UBE2Q2: variants seen among roughly 807,000 people sequenced by gnomAD.
UBE2Q2 encodes ubiquitin-conjugating enzyme E2 Q2.
In UBE2Q2, 54 loss-of-function variants were observed where a neutral mutation model predicts 59.9. The observed-to-expected ratio is 0.90, with a 90% CI of 0.72 to 1.13. The LOEUF is 1.13. UBE2Q2 is among the 50% of genes most tolerant of loss of function. The pLI is 0.00. For missense variants in UBE2Q2, 433 were observed against 441.9 expected (o/e 0.98, Z 0.18); for synonymous variants, 165 against 155.2 (o/e 1.06, Z -0.47).
At chr15:75,859,262 TAA>T (rs1273837702) in intron 2 of UBE2Q2, among the ~76,000 whole-genome samples, 1 of 151,858 alleles carries the variant, frequency 6.6e-6, no homozygotes, top group Non-Finnish European at 1.5e-5. Flanking sequence ...AAGAGCCTAC[TAA>T]ATATCAAGTG....
chr15:75,848,406 T>A (rs1192298486), intron 1 of UBE2Q2, among the ~76,000 whole-genome samples: 1 of 152,232 alleles, frequency 6.6e-6, no homozygotes, highest in Non-Finnish European at 1.5e-5. Flanking sequence ...CTGGGACAGA[T>A]TACCTTTCCA....
intron 3 of UBE2Q2, among the ~76,000 whole-genome samples, chr15:75,860,759 T>G (rs1424184632): frequency 6.6e-6 from 1 of 152,186 alleles, no homozygotes; most frequent in Admixed American, 6.5e-5. Context: ...TGGCAGGTTG[T>G]TCTTTGGGTT....
chr15:75,858,970 G>A, intron 2 of UBE2Q2, among the ~76,000 whole-genome samples: 1 of 151,950 alleles, frequency 6.6e-6, no homozygotes, highest in Admixed American at 6.6e-5. Context: ...TTTGTCCTTT[G>A]TAAACCTGCT....
intron 9 of UBE2Q2, among the ~76,000 whole-genome samples, chr15:75,889,393 G>A (rs335716): frequency 0.98 from 149,201 of 152,318 alleles, 73,146 homozygotes; most frequent in East Asian, 1. Context: ...TATTGTCACT[G>A]TAACAATTAT....
intron 4 of UBE2Q2, among the ~76,000 whole-genome samples, chr15:75,870,100 C>CA (rs1259378490): frequency 2.0e-5 from 3 of 152,106 alleles, no homozygotes; most frequent in African/African-American, 7.2e-5. Flanking sequence ...GACAGGGTCT[C>CA]ACTGTGGTGC....
intron 5 of UBE2Q2, among the ~76,000 whole-genome samples, chr15:75,875,897 CA>C (rs773183098): frequency 6.1e-4 from 87 of 143,606 alleles, no homozygotes; most frequent in Non-Finnish European, 6.3e-4. Context: ...CCGTCTCTAC[CA>C]AAAAAAAAAA....
At chr15:75,895,419 G>T (rs979913672) in intron 11 of UBE2Q2, 17 of 151,988 alleles carry the variant, frequency 1.1e-4, no homozygotes, top group African/African-American at 4.1e-4. Flanking sequence ...CCAGCCTCAG[G>T]TGATCTACCT....
chr15:75,866,917 G>A (rs569180549), intron 3 of UBE2Q2, among the ~76,000 whole-genome samples: 2 of 152,196 alleles, frequency 1.3e-5, no homozygotes, highest in Non-Finnish European at 2.9e-5. Flanking sequence ...TAATGCTTCA[G>A]ATCAATTGTG....
intron 1 of UBE2Q2, among the ~76,000 whole-genome samples, chr15:75,854,156 G>T (rs766620866): frequency 2.6e-5 from 4 of 152,182 alleles, no homozygotes; most frequent in Non-Finnish European, 5.9e-5. Context: ...CTGCCTACCA[G>T]TGTTGAAGAA....
intron 3 of UBE2Q2, among the ~76,000 whole-genome samples, chr15:75,868,183 G>A (rs980411330): frequency 3.9e-5 from 6 of 152,080 alleles, no homozygotes; most frequent in African/African-American, 7.2e-5. Context: ...TCCTGGTTTC[G>A]TGATCTTTTA....
intron 4 of UBE2Q2, among the ~76,000 whole-genome samples, chr15:75,872,800 T>A (rs934520384): frequency 2.0e-5 from 3 of 152,196 alleles, no homozygotes; most frequent in African/African-American, 7.2e-5. Context: ...AAATTAACAT[T>A]TCAATGTAAG....
intron 9 of UBE2Q2, among the ~76,000 whole-genome samples, chr15:75,887,904 T>A (rs1898877417): frequency 6.6e-6 from 1 of 152,168 alleles, no homozygotes; most frequent in Admixed American, 6.5e-5. Context: ...GGAGGAGGAA[T>A]TATTTGCTGA....
intron 9 of UBE2Q2, among the ~76,000 whole-genome samples, chr15:75,887,149 C>G (rs1215556903): frequency 6.6e-6 from 1 of 152,060 alleles, no homozygotes; most frequent in African/African-American, 2.4e-5. Flanking sequence ...TCTTCTGATT[C>G]CTAATAAAGT....
intron 4 of UBE2Q2, among the ~76,000 whole-genome samples, chr15:75,869,944 T>C (rs1299259734): frequency 6.6e-6 from 1 of 152,230 alleles, no homozygotes; most frequent in African/African-American, 2.4e-5. Flanking sequence ...TCCATGGTCT[T>C]GATTTAAAAA....
chr15:75,853,299 G>A (rs770583567), intron 1 of UBE2Q2, among the ~76,000 whole-genome samples: 18 of 151,918 alleles, frequency 1.2e-4, no homozygotes, highest in Non-Finnish European at 2.2e-4. Flanking sequence ...GTGAAACCCC[G>A]TCTCTAATAA....
chr15:75,858,307 T>C (rs772434648), intron 2 of UBE2Q2, among the ~76,000 whole-genome samples: 8 of 152,212 alleles, frequency 5.3e-5, no homozygotes, highest in South Asian at 2.1e-4. Context: ...TTCAAAATGA[T>C]GACGTTTAAA....
chr15:75,844,576 C>A (rs1290806435), intron 1 of UBE2Q2: 6 of 1,394,260 alleles, frequency 4.3e-6, no homozygotes, highest in Admixed American at 4.6e-5. Flanking sequence ...AGGGCTGCTC[C>A]CCGGAAAGAT....
chr15:75,865,511 C>G (rs1051232844), intron 3 of UBE2Q2, among the ~76,000 whole-genome samples: 1 of 152,146 alleles, frequency 6.6e-6, no homozygotes, highest in Non-Finnish European at 1.5e-5. Flanking sequence ...TACCCCTGTG[C>G]CAGCATTTCT....
At chr15:75,891,233 CTGTTA>C (rs1451264938) in intron 11 of UBE2Q2, among the ~76,000 whole-genome samples, 21 of 152,010 alleles carry the variant, frequency 1.4e-4, no homozygotes, top group South Asian at 4.2e-4. Flanking sequence ...TGTTTTTAGT[CTGTTA>C]TATTTGCTGT....
Sources: gnomAD v4.1 joint callset for allele counts (sites outside exome capture counted in the v4.1 genomes callset) on GRCh38, gnomAD v4.1.1 for gene constraint, MANE v1.5 for transcripts, NCBI Gene and HGNC (gene_info 2026-07-23, HGNC 2026-07-21) for gene names.